The following GDPD1 variants were observed in gnomAD, a reference collection of about 807,000 sequenced individuals.
GDPD1 encodes the protein lysophospholipase D GDPD1.
Under a neutral mutation model 45.1 loss-of-function variants are expected in GDPD1, and 28 were observed. The ratio of observed to expected loss-of-function variants is 0.62; its 90% CI spans 0.46 to 0.85. GDPD1 has a LOEUF of 0.85. GDPD1 is among the 40% of genes least tolerant of loss of function. The probability of loss-of-function intolerance (pLI) is 0.00; values close to 1 mark genes in which losing one functional copy is unlikely to be tolerated. For missense variants in GDPD1, 256 were observed against 364.8 expected (o/e 0.70, Z 2.43); for synonymous variants, 139 against 131.4 (o/e 1.06, Z -0.40).
Position 59,257,250 on chromosome 17 carries a change from G to A in GDPD1, c.486+10G>A. 4 of 1,373,018 alleles carry A rather than the reference G, an allele frequency of 2.9e-6. No individual in the cohort carries two copies. The highest frequency in any genetic ancestry group is 1.8e-4 in the Middle Eastern group (1 of 5,556). 85.1% of individuals were successfully genotyped at this position (1,373,018 alleles called of 1,614,324 possible). On this transcript the variant is annotated intron_variant, in intron 5 of 9. Coordinates refer to ENST00000284116, the MANE Select transcript of GDPD1 (RefSeq NM_182569.4). Reference sequence around the variant, plus strand: ...TGTGCTGATTAAGAAGGTACTCAAGGCATTGCCTCCTCTGGGTGTGTTGCA... The same window carrying A: ...TGTGCTGATTAAGAAGGTACTCAAGACATTGCCTCCTCTGGGTGTGTTGCA...
intron 4 of GDPD1, 21 bp from the exon 5 acceptor site, chr17:59,257,101 T>G: frequency 8.0e-7 from 1 of 1,242,922 alleles, no homozygotes; most frequent in Non-Finnish European, 1.2e-6. Context: ...AAAAATACAT[T>G]TAAAAATCTT....
At chr17:59,220,786 G>C (rs201144255) in intron 1 of GDPD1, 35 bp downstream of exon 1, 159 of 1,604,312 alleles carry the variant, frequency 9.9e-5, no homozygotes, top group Non-Finnish European at 1.3e-4. Flanking sequence ...TGACGGAGGT[G>C]GGGGAGGCTG....
chr17:59,267,954 G>C (rs895617774), intron 7 of GDPD1, among the ~76,000 whole-genome samples: 10 of 151,926 alleles, frequency 6.6e-5, no homozygotes, highest in Non-Finnish European at 1.5e-4. Flanking sequence ...GGCGTGACCC[G>C]CCTTGCCCAG....
intron 6 of GDPD1, among the ~76,000 whole-genome samples, chr17:59,264,087 C>T (rs571248919): frequency 6.6e-6 from 1 of 152,188 alleles, no homozygotes; most frequent in Non-Finnish European, 1.5e-5. Context: ...CAACCTCCGC[C>T]TGCTGGGTTC....
In GDPD1 at chr17:59,273,829, T is replaced by C; in HGVS notation, c.*56T>C. On this transcript the variant is annotated 3_prime_UTR_variant, in exon 10 of 10. Coordinates refer to ENST00000284116, the MANE Select transcript of GDPD1 (RefSeq NM_182569.4). ...AAAATGAAGACCTAAGAAAAAAATA[T>C]TTCATGATCATTTCCCTAAGCCATT... is the stretch of plus-strand genomic sequence containing the variant. 1 of 1,488,174 alleles carries C rather than the reference T, an allele frequency of 6.7e-7. No homozygotes were observed. The highest frequency in any genetic ancestry group is 2.4e-5 in the East Asian group (1 of 41,636). 92.2% of individuals were successfully genotyped at this position (1,488,174 alleles called of 1,614,324 possible).
chr17:59,262,738 C>T (rs931327276), intron 6 of GDPD1, among the ~76,000 whole-genome samples: 2 of 151,698 alleles, frequency 1.3e-5, no homozygotes, highest in African/African-American at 4.8e-5. Context: ...AGCGATTTTC[C>T]CGCTTCAGCC....
At position 59,270,938 on chromosome 17, in the gene GDPD1, T is replaced by C. The variant is rs756306793; in HGVS notation, c.713T>C (p.Leu238Pro). The C allele has an allele frequency of 6.3e-7, 1 of 1,593,270 alleles. No individual in the cohort carries two copies. Among genetic ancestry groups the C allele is most frequent in the South Asian group, 1.1e-5 (1 of 88,144 alleles). ...ATTCAAACTTTATTTTACCCTAGGCTAAAAGAACCACACACCATGTCCAGA... is the reference window on the plus strand; with the variant it reads ...ATTCAAACTTTATTTTACCCTAGGCCAAAAGAACCACACACCATGTCCAGA... Reference protein sequence around the residue: ...EIPMPSIILKLKEPHTMSRSQ... With the variant: ...EIPMPSIILKPKEPHTMSRSQ... The change falls in exon 8 of 10, where the codon CTA (leucine) becomes CCA (proline). Residue 238 changes from leucine (L) to proline (P), a missense_variant and splice_region_variant. Coordinates refer to ENST00000284116, the MANE Select transcript of GDPD1 (RefSeq NM_182569.4).
At chr17:59,270,390 G>GT (rs960451542) in intron 7 of GDPD1, among the ~76,000 whole-genome samples, 9 of 151,464 alleles carry the variant, frequency 5.9e-5, no homozygotes, top group African/African-American at 2.2e-4. Flanking sequence ...GACGGGGGGG[G>GT]GTTTCACTAT....
intron 6 of GDPD1, among the ~76,000 whole-genome samples, chr17:59,258,580 T>G (rs973540791): frequency 8.5e-5 from 13 of 152,058 alleles, no homozygotes; most frequent in East Asian, 1.9e-4. Context: ...TTTCATAGCC[T>G]TCATACACAG....
intron 6 of GDPD1, among the ~76,000 whole-genome samples, chr17:59,262,639 G>GTTT (rs71145546): frequency 2.8e-5 from 4 of 143,814 alleles, no homozygotes; most frequent in Non-Finnish European, 1.5e-5. Context: ...GTTTTTTTTT[G>GTTT]TTTTTTTTTT....
intron 2 of GDPD1, among the ~76,000 whole-genome samples, chr17:59,238,058 C>T (rs1394082172): frequency 3.3e-5 from 5 of 149,904 alleles, no homozygotes; most frequent in African/African-American, 1.2e-4. Context: ...CACCTGAGGT[C>T]GGGAGTTTGA....
intron 6 of GDPD1, among the ~76,000 whole-genome samples, chr17:59,259,738 C>CAA (rs1396798001): frequency 4.0e-4 from 41 of 102,276 alleles, no homozygotes; most frequent in South Asian, 3.0e-4. Flanking sequence ...GACTCCATCT[C>CAA]AAAAAAAAAA....
chr17:59,251,354 A>G (rs2047252201), intron 4 of GDPD1, among the ~76,000 whole-genome samples: 1 of 152,038 alleles, frequency 6.6e-6, no homozygotes, highest in Non-Finnish European at 1.5e-5. Flanking sequence ...CCCTGTTTCT[A>G]CTAAAAATAC....
At chr17:59,225,822 A>G (rs1293263389) in intron 1 of GDPD1, among the ~76,000 whole-genome samples, 2 of 152,078 alleles carry the variant, frequency 1.3e-5, no homozygotes, top group African/African-American at 4.8e-5. Context: ...CTAGGGTTCA[A>G]GTGATTCTCC....
chr17:59,268,255 G>T (rs1309759561), intron 7 of GDPD1, among the ~76,000 whole-genome samples: 3 of 152,088 alleles, frequency 2.0e-5, no homozygotes, highest in Non-Finnish European at 4.4e-5. Context: ...TTGGGGAGAT[G>T]ATTTAAATGT....
Position 59,222,505 on chromosome 17 carries a change from C to CTTTTT in GDPD1, c.142+1776_142+1780dup, listed in dbSNP as rs149536097. 7.9e-4 allele frequency among the ~76,000 whole-genome samples: 33 copies of CTTTTT among 41,738 alleles called. 4 individuals are homozygous for CTTTTT. The highest frequency in any genetic ancestry group is 1.1e-3 in the Non-Finnish European group (24 of 21,764). The allele number at this position is 41,738 out of a possible 152,430, so 27.4% of individuals were successfully genotyped here. ...ACAGGCGTGAGCCACAGTGCCCAGC[C>CTTTTT]TTTTTTTTTTTTTTTTTTTTTTTTT... On this transcript the variant is annotated intron_variant, in intron 1 of 9. Transcript: ENST00000284116.
At chr17:59,246,046 G>A (rs944434372) in intron 3 of GDPD1, among the ~76,000 whole-genome samples, 3 of 152,008 alleles carry the variant, frequency 2.0e-5, no homozygotes, top group Admixed American at 2.0e-4. Context: ...CTTGAATCTG[G>A]GAGGTGGAGG....
In GDPD1 at chr17:59,275,923, A is replaced by G. The variant is rs1003889945; in HGVS notation, c.*2150A>G. 1 of 152,228 alleles carries G rather than the reference A, an allele frequency of 6.6e-6. No individual in the cohort carries two copies. The highest frequency in any genetic ancestry group is 1.5e-5 in the Non-Finnish European group (1 of 68,030). 9.4% of individuals were successfully genotyped at this position (152,228 alleles called of 1,614,324 possible). ...CTATCTGTCCCTGGATGACATAAAT[A>G]TCATTTGCTTTGTTGTTTAAACTGA... On this transcript the variant is annotated 3_prime_UTR_variant, in exon 10 of 10. Coordinates refer to ENST00000284116, the MANE Select transcript of GDPD1 (RefSeq NM_182569.4).
At chr17:59,252,503 G>A (rs2047262838) in intron 4 of GDPD1, among the ~76,000 whole-genome samples, 1 of 151,782 alleles carries the variant, frequency 6.6e-6, no homozygotes, top group South Asian at 2.1e-4. Context: ...CGTCCCAAAG[G>A]GCTGGGATTA....
Sources: gnomAD v4.1 joint callset for allele counts (sites outside exome capture counted in the v4.1 genomes callset) on GRCh38, gnomAD v4.1.1 for gene constraint, MANE v1.5 for transcripts, NCBI Gene and HGNC (gene_info 2026-07-23, HGNC 2026-07-21) for gene names.